COL18A1: variants seen among roughly 807,000 people sequenced by gnomAD.
COL18A1 encodes collagen type XVIII alpha 1 chain.
A neutral mutation model predicts 168.0 loss-of-function variants in COL18A1; 133 were observed. The ratio of observed to expected loss-of-function variants is 0.79; its 90% CI spans 0.69 to 0.91. The LOEUF (loss-of-function observed/expected upper bound fraction) is 0.91, where lower values mean the gene tolerates loss of function less well. Among genes scored for constraint, COL18A1 ranks in the 40% least tolerant of loss-of-function variants. The probability of loss-of-function intolerance (pLI) is 0.00; values close to 1 mark genes in which losing one functional copy is unlikely to be tolerated. For synonymous variants in COL18A1, 949 were observed against 809.0 expected (o/e 1.17, Z -2.94); for missense variants, 2,126 against 1,925.4 (o/e 1.10, Z -1.95).
chr21:45,455,378 C>T (rs1251988995), intron 2 of COL18A1: 5 of 1,092,548 alleles, frequency 4.6e-6, no homozygotes, highest in East Asian at 2.5e-5. Context: ...AGGCTGGTGC[C>T]TTCTTTCCTT....
intron 13 of COL18A1, among the ~76,000 whole-genome samples, chr21:45,481,174 T>C (rs918275628): frequency 6.6e-6 from 1 of 151,600 alleles, no homozygotes; most frequent in African/African-American, 2.4e-5. Flanking sequence ...CATGGGTGGG[T>C]GTGGGAGGGC....
In COL18A1 at chr21:45,505,365, C is replaced by A; in HGVS notation, c.3021C>A (p.Ser1007Arg). The A allele has an allele frequency of 6.3e-7, 1 of 1,592,952 alleles. No individual in the cohort carries two copies. Among genetic ancestry groups the A allele is most frequent in the Non-Finnish European group, 8.6e-7 (1 of 1,163,206 alleles). ...TTGGTTTCTCTCCTGCAGCTATCAGCGTTCCCGGCCCTCCGGGCCCCCCTG... is the reference window on the plus strand; with the variant it reads ...TTGGTTTCTCTCCTGCAGCTATCAGAGTTCCCGGCCCTCCGGGCCCCCCTG... ...SFPGPHRQTI[S>R]VPGPPGPPGP... Residue 1007 changes from serine (S) to arginine (R), a missense_variant, in exon 36 of 42, where the codon AGC becomes AGA. Physicochemically the swap from Ser to Arg is moderately radical, Grantham distance 110. Coordinates refer to ENST00000651438, the MANE Select transcript of COL18A1 (RefSeq NM_001379500.1).
chr21:45,509,959 C>T (rs1404175116), intron 39 of COL18A1, 105 bp from the exon 40 acceptor site: 18 of 1,329,296 alleles, frequency 1.4e-5, no homozygotes, highest in East Asian at 7.6e-5. Context: ...CAGCGCCCCT[C>T]GGCCGTGCCT....
At chr21:45,506,213 G>A in intron 37 of COL18A1, 1 of 541,206 alleles carries the variant, frequency 1.8e-6, no homozygotes, top group South Asian at 2.0e-5. Context: ...GCTCCTGGTG[G>A]GTCATGTCAC....
chr21:45,455,422 G>C, intron 2 of COL18A1: 1 of 1,504,518 alleles, frequency 6.6e-7, no homozygotes, highest in South Asian at 1.1e-5. Context: ...CAGCCGGCCA[G>C]AGGCTGGGAA....
At chr21:45,502,463 A>AAAC (rs1165670222) in intron 32 of COL18A1, 1 of 152,162 alleles carries the variant, frequency 6.6e-6, no homozygotes, top group African/African-American at 2.4e-5. Flanking sequence ...AAAGAACAAC[A>AAAC]AACAGTTATT....
intron 20 of COL18A1, 60 bp from the exon 21 acceptor site, chr21:45,490,776 C>T (rs569564851): frequency 6.4e-5 from 97 of 1,518,634 alleles, no homozygotes; most frequent in South Asian, 5.4e-4. Flanking sequence ...CCATCCCTCA[C>T]GGGGGGCCAG....
intron 2 of COL18A1, among the ~76,000 whole-genome samples, chr21:45,458,534 C>T (rs1213851686): frequency 6.6e-6 from 1 of 152,162 alleles, no homozygotes; most frequent in Non-Finnish European, 1.5e-5. Context: ...CACCCAAATG[C>T]CCAGCAAGCA....
chr21:45,511,014 CACATCCA>C (rs2037563966), intron 40 of COL18A1, 90 bp from the exon 41 acceptor site: 2 of 207,728 alleles, frequency 9.6e-6, no homozygotes, highest in Admixed American at 5.3e-5. Flanking sequence ...CCCCCCCCCA[CACATCCA>C]CACCCCACAT....
intron 2 of COL18A1, among the ~76,000 whole-genome samples, chr21:45,421,772 G>A (rs779515979): frequency 7.9e-5 from 12 of 152,230 alleles, no homozygotes; most frequent in South Asian, 6.2e-4. Context: ...GTGGACCACC[G>A]AGTGGAGAGA....
In COL18A1 at chr21:45,509,478, C is replaced by G. The variant is rs759202379; in HGVS notation, c.3372C>G (p.Ser1124Arg). Residue 1124 changes from serine to arginine, a missense_variant, in exon 39 of 42, where the codon AGC becomes AGG. Coordinates refer to ENST00000651438, the MANE Select transcript of COL18A1 (RefSeq NM_001379500.1). ...RPWRADDILA[S>R]PPRLPEPQPY... is the part of the protein sequence containing the mutation. ...GGCGGGCAGATGACATCCTGGCCAG[C>G]CCCCCTCGCCTGCCCGAGCCCCAGC... The G allele has an allele frequency of 6.6e-7, 1 of 1,523,412 alleles. No homozygotes were observed. Among genetic ancestry groups the G allele is most frequent in the Non-Finnish European group, 8.8e-7 (1 of 1,131,770 alleles). 94.4% of individuals were successfully genotyped at this position (1,523,412 alleles called of 1,614,324 possible). A position where few individuals can be genotyped will look rare whatever the true frequency, so the allele number is the denominator to read the frequency against.
Position 45,471,591 on chromosome 21 carries a change from G to A in COL18A1, c.652-2304G>A, listed in dbSNP as rs112646317. Among the ~76,000 whole-genome samples, 12 of 152,234 alleles carry A rather than the reference G, an allele frequency of 7.9e-5. No homozygotes were observed. Among genetic ancestry groups the A allele is most frequent in the Admixed American group, 4.6e-4 (7 of 15,302 alleles). The stretch of plus-strand genomic sequence containing the variant: ...CTCCGGAGCATTGGTTGTGTTCCTC[G>A]TCCTAAGAGTCCTTGGGCGTTGTTG... On this transcript the variant is annotated intron_variant, in intron 3 of 41. Coordinates refer to ENST00000651438, the MANE Select transcript of COL18A1 (RefSeq NM_001379500.1). This position sits in a 1 kb window ranked among gnomAD's most constrained non-coding sequence, Gnocchi z 4.4.
At chr21:45,507,308 G>A in intron 37 of COL18A1, 1 of 583,586 alleles carries the variant, frequency 1.7e-6, no homozygotes. Context: ...GGCAGGGAGG[G>A]CACCCTCCTG....
chr21:45,451,862 T>C (rs906738627), intron 2 of COL18A1, among the ~76,000 whole-genome samples: 1 of 152,166 alleles, frequency 6.6e-6, no homozygotes, highest in African/African-American at 2.4e-5. Context: ...TCTTCCTCCT[T>C]GGCTGGGGTC....
At position 45,476,383 on chromosome 21, in the gene COL18A1, A is replaced by AC. The variant is rs760175310; in HGVS notation, c.837dup (p.Val280ArgfsTer18). On this transcript the variant is annotated frameshift_variant, in exon 6 of 42. Coordinates refer to ENST00000651438, the MANE Select transcript of COL18A1 (RefSeq NM_001379500.1). LOFTEE classifies it high-confidence loss of function. Reference sequence around the variant, plus strand: ...CCCTAAAACCCAGGCTCCCCGCGCCACCCCCCGTCACCACGCCACCCTTGG... The same window carrying AC: ...CCCTAAAACCCAGGCTCCCCGCGCCACCCCCCCGTCACCACGCCACCCTTGG... 2.5e-6 allele frequency: 4 copies of AC among 1,613,908 alleles called. No homozygotes were observed. The highest frequency in any genetic ancestry group is 2.5e-6 in the Non-Finnish European group (3 of 1,179,974).
chr21:45,420,221 G>T (rs530780395), intron 2 of COL18A1: 1 of 152,356 alleles, frequency 6.6e-6, no homozygotes, highest in South Asian at 2.1e-4. Flanking sequence ...GGCAGCAGAA[G>T]TCTGTGCTTG....
chr21:45,452,690 T>C (rs896808870), intron 2 of COL18A1, among the ~76,000 whole-genome samples: 9 of 146,754 alleles, frequency 6.1e-5, no homozygotes, highest in Non-Finnish European at 8.9e-5. Flanking sequence ...TGTGAGCATG[T>C]ATGTGAGTTT....
chr21:45,470,470 T>G (rs1328573229), intron 3 of COL18A1, among the ~76,000 whole-genome samples: 3 of 132,498 alleles, frequency 2.3e-5, no homozygotes, highest in Admixed American at 7.7e-5. Flanking sequence ...GGATGTGTGG[T>G]TTTTTTGTGG....
At position 45,504,919 on chromosome 21, in the gene COL18A1, A is replaced by AGGTCTCT. The variant is rs77274715; in HGVS notation, c.2869-213_2869-207dup. The stretch of plus-strand genomic sequence containing the variant: ...CTGCCTGGGGGCCCACACTGTTGTC[A>AGGTCTCT]GGTCTCTGCTGGTCTCTCCCCCGGG... On this transcript the variant is annotated intron_variant, in intron 34 of 41. Coordinates refer to ENST00000651438, the MANE Select transcript of COL18A1 (RefSeq NM_001379500.1). 0.47 allele frequency among the ~76,000 whole-genome samples: 71,079 copies of AGGTCTCT among 151,304 alleles called. 18,066 individuals are homozygous for AGGTCTCT. The highest frequency in any genetic ancestry group is 0.67 in the African/African-American group (27,580 of 41,186).
Sources: gnomAD v4.1 joint callset for allele counts (sites outside exome capture counted in the v4.1 genomes callset) on GRCh38, gnomAD v4.1.1 for gene constraint, Gnocchi (gnomAD v3.1) non-coding constraint, MANE v1.5 for transcripts, NCBI Gene and HGNC (gene_info 2026-07-23, HGNC 2026-07-21) for gene names.